SNTG1: variants seen among roughly 807,000 people sequenced by gnomAD.
SNTG1 encodes the protein gamma-1-syntrophin.
SNTG1 carries 39 observed loss-of-function variants against 74.7 expected under a neutral mutation model. The observed-to-expected ratio is 0.52, with a 90% confidence interval of 0.40 to 0.68. The LOEUF is 0.68. SNTG1 is among the 30% of genes least tolerant of loss of function. The pLI, the probability that SNTG1 is intolerant of heterozygous loss-of-function variation, is 0.00. For missense variants in SNTG1, 685 were observed against 609.5 expected, an observed-to-expected ratio of 1.12 and a Z score of -1.30; for synonymous variants, 254 against 217.1, an observed-to-expected ratio of 1.17 and a Z score of -1.49.
chr8:50,539,030 ACTT>A (rs2094327432), intron 11 of SNTG1, among the ~76,000 whole-genome samples: 1 of 151,932 alleles, frequency 6.6e-6, no homozygotes, highest in South Asian at 2.1e-4. Context: ...TTTAAAAATA[ACTT>A]CTTTTTTGAA....
At chr8:50,463,977 C>T (rs529723292) in intron 8 of SNTG1, among the ~76,000 whole-genome samples, 18 of 152,294 alleles carry the variant, frequency 1.2e-4, no homozygotes, top group East Asian at 7.7e-4. Context: ...TGCTTCACCT[C>T]GCATTTTTAT....
chr8:49,963,308 G>T (rs993570739), intron 1 of SNTG1, among the ~76,000 whole-genome samples: 5 of 152,168 alleles, frequency 3.3e-5, no homozygotes, highest in African/African-American at 1.2e-4. Flanking sequence ...ATAAACAGGA[G>T]ATCAGAAACT....
chr8:50,351,732 T>A (rs2091668563), intron 2 of SNTG1, among the ~76,000 whole-genome samples: 1 of 152,202 alleles, frequency 6.6e-6, no homozygotes, highest in Non-Finnish European at 1.5e-5. Flanking sequence ...AGTTTCCTTT[T>A]CAATATCAGG....
rs144789701 is a variant in SNTG1 at position 50,588,491 on chromosome 8, T to C, written c.811-2388T>C. Among the ~76,000 whole-genome samples the C allele has an allele frequency of 4.0e-3, 612 of 152,284 alleles. 4 individuals carry two copies. The highest frequency in any genetic ancestry group is 0.014 in the African/African-American group (569 of 41,556). ...AGTAGTTTGGTTAGTTAAGTGTATA[T>C]TTCCACTGAAACATGAATAAACATG... On this transcript the variant is annotated intron_variant, in intron 12 of 18. Coordinates refer to ENST00000642720, the MANE Select transcript of SNTG1 (RefSeq NM_018967.5).
intron 14 of SNTG1, 138 bp from the exon 15 acceptor site, chr8:50,658,454 A>G (rs1321849858): frequency 1.8e-6 from 1 of 543,896 alleles, no homozygotes; most frequent in Non-Finnish European, 3.2e-6. Context: ...AGGGTCCTTT[A>G]TGAGCATGGC....
chr8:50,068,358 C>A (rs1821072405), intron 1 of SNTG1, among the ~76,000 whole-genome samples: 3 of 152,170 alleles, frequency 2.0e-5, no homozygotes, highest in Admixed American at 1.3e-4. Context: ...ACTTTCTTCT[C>A]TTCCTCAGTG....
intron 2 of SNTG1, among the ~76,000 whole-genome samples, chr8:50,258,118 C>T (rs1315889501): frequency 6.6e-6 from 1 of 152,170 alleles, no homozygotes; most frequent in Non-Finnish European, 1.5e-5. Context: ...AATGAAACAA[C>T]AGCAGCAGCA....
intron 1 of SNTG1, among the ~76,000 whole-genome samples, chr8:49,925,320 A>T (rs765676241): frequency 6.6e-6 from 1 of 152,338 alleles, no homozygotes; most frequent in East Asian, 1.9e-4. Context: ...TCATGATAAC[A>T]TCTTACATAA....
intron 2 of SNTG1, among the ~76,000 whole-genome samples, chr8:50,282,793 T>G (rs547758664): frequency 5.3e-5 from 8 of 151,870 alleles, no homozygotes; most frequent in Non-Finnish European, 1.2e-4. Context: ...AATAAATAAA[T>G]AAATAAAAGC....
chr8:50,682,784 C>G (rs1245327546), intron 15 of SNTG1, among the ~76,000 whole-genome samples: 1 of 152,148 alleles, frequency 6.6e-6, no homozygotes, highest in African/African-American at 2.4e-5. Context: ...TAGTCTTTTG[C>G]TACCCACCCA....
chr8:50,194,197 G>A (rs2083679759), intron 2 of SNTG1, among the ~76,000 whole-genome samples: 1 of 152,110 alleles, frequency 6.6e-6, no homozygotes, highest in Non-Finnish European at 1.5e-5. Flanking sequence ...TTGAATTAGG[G>A]AGGTTTCCTT....
chr8:49,920,621 T>C (rs1356616015), intron 1 of SNTG1, among the ~76,000 whole-genome samples: 2 of 152,078 alleles, frequency 1.3e-5, no homozygotes, highest in African/African-American at 4.8e-5. Context: ...ACTAACTAAG[T>C]AACTGGAGGC....
intron 15 of SNTG1, among the ~76,000 whole-genome samples, chr8:50,673,740 T>A (rs1418989865): frequency 2.0e-5 from 3 of 152,188 alleles, no homozygotes; most frequent in African/African-American, 7.2e-5. Context: ...AGAGAGGGCA[T>A]CCTTGTCTCA....
intron 5 of SNTG1, 79 bp from the exon 6 acceptor site, chr8:50,449,589 C>A: frequency 9.0e-7 from 1 of 1,109,510 alleles, no homozygotes. Context: ...ACATTCCCTT[C>A]AGAGCCTGTA....
chr8:50,406,489 A>G (rs2092877651), intron 4 of SNTG1, among the ~76,000 whole-genome samples: 1 of 152,126 alleles, frequency 6.6e-6, no homozygotes, highest in Admixed American at 6.6e-5. Flanking sequence ...ATTCAAGATA[A>G]GTTTACTTAT....
At chr8:50,375,177 T>C (rs978803765) in intron 2 of SNTG1, among the ~76,000 whole-genome samples, 5 of 152,208 alleles carry the variant, frequency 3.3e-5, no homozygotes, top group Non-Finnish European at 7.3e-5. Context: ...ACTCTATGCA[T>C]GCTCCTTATA....
chr8:50,221,409 T>C (rs937058258), intron 2 of SNTG1, among the ~76,000 whole-genome samples: 11 of 151,640 alleles, frequency 7.3e-5, no homozygotes, highest in African/African-American at 2.7e-4. Context: ...TTAAAAAATA[T>C]AAGATCAACG....
chr8:50,730,578 A>G (rs559860565), intron 17 of SNTG1, among the ~76,000 whole-genome samples: 1 of 152,286 alleles, frequency 6.6e-6, no homozygotes, highest in Admixed American at 6.5e-5. Context: ...ATAACCTAGA[A>G]CTAGCAGTCA....
At chr8:50,090,473 G>A (rs929149084) in intron 1 of SNTG1, among the ~76,000 whole-genome samples, 8 of 152,146 alleles carry the variant, frequency 5.3e-5, no homozygotes, top group Non-Finnish European at 1.5e-5. Context: ...CAAAATCAAA[G>A]AGCAGCAGAT....
Sources: gnomAD v4.1 joint callset for allele counts (sites outside exome capture counted in the v4.1 genomes callset) on GRCh38, gnomAD v4.1.1 for gene constraint, MANE v1.5 for transcripts, NCBI Gene and HGNC (gene_info 2026-07-23, HGNC 2026-07-21) for gene names.